The following BIRC3 variants were observed in gnomAD, a reference collection of about 807,000 sequenced individuals.
The protein encoded by BIRC3 is baculoviral IAP repeat-containing protein 3.
Under a neutral mutation model 59.0 loss-of-function variants are expected in BIRC3, and 26 were observed. That is an observed-to-expected ratio of 0.44 (90% confidence interval 0.32 to 0.61). The LOEUF (loss-of-function observed/expected upper bound fraction) is 0.61, where lower values mean the gene tolerates loss of function less well. BIRC3 is among the 20% of genes least tolerant of loss of function. The pLI is 0.04. For synonymous variants in BIRC3, 243 were observed against 249.2 expected, an observed-to-expected ratio of 0.98 and a Z score of 0.24; for missense variants, 641 against 711.5, an observed-to-expected ratio of 0.90 and a Z score of 1.13.
In BIRC3 at chr11:102,324,882, C is replaced by T. The variant is rs750469359; in HGVS notation, c.373C>T (p.Leu125Phe). ...SSVTNSTHSL[L>F]PGTENSGYFR... is the part of the protein sequence containing the mutation. ...AGTAACAAATTCCACACACTCATTACTTCCGGGTACAGAAAACAGTGGATA... is the reference window on the plus strand; with the variant it reads ...AGTAACAAATTCCACACACTCATTATTTCCGGGTACAGAAAACAGTGGATA... Residue 125 changes from leucine (L) to phenylalanine (F), a missense_variant, in exon 2 of 9, where the codon CTT becomes TTT. Physicochemically the swap from Leu to Phe is conservative, Grantham distance 22. This residue lies in a region of BIRC3 where 329 missense variants were observed against 365.6 expected (regional missense o/e 0.90). Transcript: ENST00000263464. The T allele has an allele frequency of 6.2e-7, 1 of 1,614,226 alleles. No homozygotes were observed. Among genetic ancestry groups the T allele is most frequent in the Non-Finnish European group, 8.5e-7 (1 of 1,180,030 alleles).
chr11:102,336,691 T>A (rs976199086), intron 7 of BIRC3, 69 bp from the exon 8 acceptor site: 2 of 1,469,290 alleles, frequency 1.4e-6, no homozygotes, highest in South Asian at 1.2e-5. Context: ...TGTTCATTTT[T>A]AAAATAGATT....
Position 102,336,958 on chromosome 11 carries a change from T to A in BIRC3, c.1671T>A (p.Cys557Ter), listed in dbSNP as rs774719063. The change falls in exon 9 of 9, where the codon TGT becomes TGA. Residue 557 changes from cysteine (C) to a stop codon, truncating the protein, a stop_gained. Coordinates refer to ENST00000263464, the MANE Select transcript of BIRC3 (RefSeq NM_001165.5). LOFTEE classifies it high-confidence loss of function. Reference protein sequence around the residue: ...QLRRLQEERTCKVCMDKEVSI... With the variant: ...QLRRLQEERT ...GGAGACTACAAGAAGAAAGAACATG[T>A]AAAGTGTGTATGGACAAAGAAGTGT... 6.2e-7 allele frequency: 1 copy of A among 1,604,692 alleles called. No individual in the cohort carries two copies. Among genetic ancestry groups the A allele is most frequent in the Non-Finnish European group, 8.5e-7 (1 of 1,177,930 alleles).
intron 3 of BIRC3, 93 bp from the exon 4 acceptor site, chr11:102,327,959 G>A (rs1951101736): frequency 2.4e-5 from 22 of 916,878 alleles, no homozygotes; most frequent in Non-Finnish European, 3.5e-5. Flanking sequence ...ATTTGAAATG[G>A]AATAAACACC....
At chr11:102,334,963 G>A (rs1054374606) in intron 6 of BIRC3, among the ~76,000 whole-genome samples, 23 of 152,078 alleles carry the variant, frequency 1.5e-4, no homozygotes, top group African/African-American at 1.9e-4. Context: ...TTTATGGGCC[G>A]GACATAATGG....
At chr11:102,318,479 A>G (rs1012754992) in intron 1 of BIRC3, among the ~76,000 whole-genome samples, 1 of 152,216 alleles carries the variant, frequency 6.6e-6, no homozygotes, top group Admixed American at 6.5e-5. Flanking sequence ...TGTCTACCCC[A>G]TATACCAAGC....
intron 3 of BIRC3, among the ~76,000 whole-genome samples, chr11:102,327,488 A>G (rs1951095378): frequency 6.6e-6 from 1 of 151,986 alleles, no homozygotes; most frequent in Admixed American, 6.6e-5. Flanking sequence ...AAAAATGCAA[A>G]AATTAGCCGG....
chr11:102,323,423 A>G lies in BIRC3; in HGVS notation c.-1087A>G. On this transcript the variant is annotated 5_prime_UTR_variant, in exon 2 of 9. Transcript: ENST00000263464. The stretch of plus-strand genomic sequence containing the variant: ...AGAGGACATTTCCATGTTCTAGCCA[A>G]GTATACTATTAGAATAAAAAAACTT... 5.3e-6 allele frequency: 1 copy of G among 190,288 alleles called. No homozygotes were observed. The highest frequency in any genetic ancestry group is 1.1e-5 in the Non-Finnish European group (1 of 90,628). The allele number at this position is 190,288 out of a possible 1,614,324, so 11.8% of individuals were successfully genotyped here. A position where few individuals can be genotyped will look rare whatever the true frequency, so the allele number is the denominator to read the frequency against.
chr11:102,336,665 T>TGGCTATA, intron 7 of BIRC3, 95 bp from the exon 8 acceptor site: 1 of 1,144,340 alleles, frequency 8.7e-7, no homozygotes, highest in South Asian at 1.4e-5. Context: ...AATGAGTATT[T>TGGCTATA]GGCTATAGTC....
chr11:102,326,801 G>A (rs968402309), intron 3 of BIRC3: 7 of 454,308 alleles, frequency 1.5e-5, no homozygotes, highest in Admixed American at 2.4e-5. Flanking sequence ...TCCGCCTCTT[G>A]GGTTCAGGCA....
chr11:102,335,161 T>G (rs11225212), intron 6 of BIRC3, among the ~76,000 whole-genome samples: 3,348 of 152,188 alleles, frequency 0.022, 110 homozygotes, highest in African/African-American at 0.076. Context: ...AAAATAGCTT[T>G]AACCTGGGAG....
chr11:102,335,014 G>A (rs1256768776), intron 6 of BIRC3, among the ~76,000 whole-genome samples: 3 of 152,176 alleles, frequency 2.0e-5, no homozygotes, highest in Admixed American at 6.5e-5. Flanking sequence ...GCCGGAGTGG[G>A]CGGATCACTC....
intron 1 of BIRC3, among the ~76,000 whole-genome samples, chr11:102,318,749 C>A (rs998999096): frequency 6.6e-6 from 1 of 152,120 alleles, no homozygotes; most frequent in Admixed American, 6.5e-5. Context: ...GAGAAGGAAC[C>A]ACTAGAAATG....
intron 2 of BIRC3, 23 bp downstream of exon 2, chr11:102,325,385 TA>T (rs769215256): frequency 2.8e-5 from 45 of 1,581,900 alleles, no homozygotes; most frequent in African/African-American, 1.5e-4. Context: ...ATCTGCTAAT[TA>T]AAAAAAATAT....
chr11:102,334,169 C>G (rs1434368617), intron 6 of BIRC3, among the ~76,000 whole-genome samples: 1 of 152,042 alleles, frequency 6.6e-6, no homozygotes, highest in East Asian at 1.9e-4. Context: ...TACTTCAACA[C>G]CAAGTTTGTA....
Position 102,325,276 on chromosome 11 carries a change from C to G in BIRC3, c.767C>G (p.Ala256Gly). 6.2e-7 allele frequency: 1 copy of G among 1,614,154 alleles called. No individual in the cohort carries two copies. Among genetic ancestry groups the G allele is most frequent in the Non-Finnish European group, 8.5e-7 (1 of 1,180,018 alleles). Reference sequence around the variant, plus strand: ...TCTAATCTGAGCATGCAGACACATGCAGCCCGCTTTAAAACATTCTTTAAC... The same window carrying G: ...TCTAATCTGAGCATGCAGACACATGGAGCCCGCTTTAAAACATTCTTTAAC... ...TVSNLSMQTH[A>G]ARFKTFFNWP... The change falls in exon 2 of 9, where the codon GCA becomes GGA. Residue 256 changes from alanine to glycine, a missense_variant. By Grantham distance (60) the Ala-to-Gly change is moderately conservative (BLOSUM62 0). Transcript: ENST00000263464.
intron 1 of BIRC3, among the ~76,000 whole-genome samples, 169 bp downstream of exon 1, chr11:102,317,740 G>A (rs1165920630): frequency 6.6e-6 from 1 of 152,170 alleles, no homozygotes; most frequent in Non-Finnish European, 1.5e-5. Context: ...TGGGTGGGGC[G>A]CAGTTATCAA....
At chr11:102,317,791 G>A (rs1041230417) in intron 1 of BIRC3, among the ~76,000 whole-genome samples, 3 of 152,310 alleles carry the variant, frequency 2.0e-5, no homozygotes, top group Admixed American at 6.5e-5. Flanking sequence ...GGTTCCAGGT[G>A]CTCAATTTCT....
In BIRC3 at chr11:102,328,134, G is replaced by T. The variant is rs752638128; in HGVS notation, c.1032+4G>T. 3 of 1,604,356 alleles carry T rather than the reference G, an allele frequency of 1.9e-6. No individual in the cohort carries two copies. In the South Asian group the frequency reaches 3.4e-5, roughly 18 times the overall value. ...TTACCCTCATCTACTTGAACAGGTA[G>T]GGCAAGTTCTTTTTTTAAATATTGG... On this transcript the variant is annotated splice_donor_region_variant and intron_variant, in intron 4 of 8. Transcript: ENST00000263464.
intron 1 of BIRC3, chr11:102,319,939 C>T (rs979447245): frequency 6.6e-6 from 1 of 152,244 alleles, no homozygotes; most frequent in Non-Finnish European, 1.5e-5. Context: ...TCTTGGCTTA[C>T]TGCAACCTTC....
Sources: gnomAD v4.1 joint callset for allele counts (sites outside exome capture counted in the v4.1 genomes callset) on GRCh38, gnomAD v4.1.1 for gene constraint, gnomAD v4.1.1 regional missense constraint, MANE v1.5 for transcripts, NCBI Gene and HGNC (gene_info 2026-07-23, HGNC 2026-07-21) for gene names.